TRMT11: variants seen among roughly 807,000 people sequenced by gnomAD.
The protein encoded by TRMT11 is tRNA (guanine(10)-N(2))-methyltransferase TRMT11.
Under a neutral mutation model 62.8 loss-of-function variants are expected in TRMT11, and 53 were observed. The ratio of observed to expected loss-of-function variants is 0.84; its 90% CI spans 0.68 to 1.06. TRMT11 has a LOEUF of 1.06. Among genes scored for constraint, TRMT11 ranks in the 50% least tolerant of loss-of-function variants. The probability of loss-of-function intolerance (pLI) is 0.00; values close to 1 mark genes in which losing one functional copy is unlikely to be tolerated. For missense variants in TRMT11, 556 were observed against 553.4 expected (o/e 1.00, Z -0.05); for synonymous variants, 188 against 190.3 (o/e 0.99, Z 0.10).
At position 125,995,923 on chromosome 6, in the gene TRMT11, A is replaced by G. The variant is rs760831865; in HGVS notation, c.139-44A>G. 3.3e-6 allele frequency: 4 copies of G among 1,208,092 alleles called. No individual in the cohort carries two copies. The Admixed American group carries it at 6.8e-5, about 20-fold the overall frequency. 74.8% of individuals were successfully genotyped at this position (1,208,092 alleles called of 1,614,324 possible). ...TTCTTGAATAAAAGCATATGAGGCC[A>G]TGTAGCCACTTAGAATTAAGTTGCA... On this transcript the variant is annotated intron_variant, in intron 2 of 12. Coordinates refer to ENST00000334379, the MANE Select transcript of TRMT11 (RefSeq NM_001031712.3).
intron 3 of TRMT11, among the ~76,000 whole-genome samples, chr6:126,201,368 T>C (rs1314130050): frequency 1.3e-5 from 2 of 152,236 alleles, no homozygotes; most frequent in African/African-American, 2.4e-5. Flanking sequence ...AACAAAGGTG[T>C]GAAAGTTGGC....
chr6:126,016,005 C>G (rs1794933029), intron 11 of TRMT11, among the ~76,000 whole-genome samples: 1 of 152,158 alleles, frequency 6.6e-6, no homozygotes, highest in South Asian at 2.1e-4. Context: ...TCGGGCTCTT[C>G]TCTGTCAGAT....
chr6:126,014,273 C>A (rs1041882408), intron 11 of TRMT11, among the ~76,000 whole-genome samples: 1 of 151,198 alleles, frequency 6.6e-6, no homozygotes, highest in Non-Finnish European at 1.5e-5. Flanking sequence ...TTTTTTGAGA[C>A]AGGGTTTCAC....
chr6:126,096,277 A>G (rs1053347972), intron 17 of TRMT11, among the ~76,000 whole-genome samples: 3 of 152,196 alleles, frequency 2.0e-5, no homozygotes, highest in Non-Finnish European at 4.4e-5. Context: ...TTTATCATTC[A>G]TTCTGTTGTA....
At chr6:126,126,311 A>G (rs1211734657) in intron 21 of TRMT11, among the ~76,000 whole-genome samples, 2 of 152,160 alleles carry the variant, frequency 1.3e-5, no homozygotes, top group African/African-American at 4.8e-5. Context: ...ACATTTAGTC[A>G]TAGATTTTAA....
At chr6:126,255,471 A>G in the TRMT11 span, among the ~76,000 whole-genome samples, 1 of 152,206 alleles carries the variant, frequency 6.6e-6, no homozygotes, top group African/African-American at 2.4e-5. Flanking sequence ...GGTATTTGAT[A>G]AGTAAATTCC....
chr6:126,191,547 A>G (rs1372405394), intron 1 of TRMT11, among the ~76,000 whole-genome samples: 1 of 141,592 alleles, frequency 7.1e-6, no homozygotes, highest in African/African-American at 2.6e-5. Context: ...GCATTTCCCC[A>G]ATGTTTTCTT....
chr6:126,258,348 G>T, the TRMT11 span: 12 of 377,386 alleles, frequency 3.2e-5, no homozygotes, highest in East Asian at 7.4e-4. Context: ...CATGGCGGCT[G>T]CCAGGGCCAT....
At chr6:126,256,196 G>A in the TRMT11 span, among the ~76,000 whole-genome samples, 5 of 152,186 alleles carry the variant, frequency 3.3e-5, no homozygotes, top group South Asian at 2.1e-4. Flanking sequence ...TATGATGACT[G>A]TGTTTTCTTG....
the TRMT11 span, among the ~76,000 whole-genome samples, chr6:126,271,363 C>CAAAAAAA: frequency 4.0e-3 from 143 of 36,170 alleles, 3 homozygotes; most frequent in African/African-American, 5.5e-3. Flanking sequence ...GACTCCATCT[C>CAAAAAAA]AAAAAAAAAA....
chr6:126,263,688 C>T, the TRMT11 span, among the ~76,000 whole-genome samples: 1 of 152,172 alleles, frequency 6.6e-6, no homozygotes, highest in South Asian at 2.1e-4. Context: ...GTCTTGAAAA[C>T]TGGGCTGGAC....
intron 7 of TRMT11, among the ~76,000 whole-genome samples, chr6:126,004,682 A>T (rs530940680): frequency 8.6e-4 from 130 of 151,920 alleles, no homozygotes; most frequent in African/African-American, 1.8e-3. Flanking sequence ...ATAGTTTTTT[A>T]AAAAAAATTC....
At chr6:125,987,841 A>T (rs1789918684) in intron 1 of TRMT11, among the ~76,000 whole-genome samples, 1 of 152,224 alleles carries the variant, frequency 6.6e-6, no homozygotes, top group Non-Finnish European at 1.5e-5. Context: ...ACTGAATTTG[A>T]TGTGGTTGTG....
chr6:126,165,474 G>A (rs1042486837), intron 21 of TRMT11, among the ~76,000 whole-genome samples: 1 of 152,048 alleles, frequency 6.6e-6, no homozygotes, highest in South Asian at 2.1e-4. Context: ...AAGGCAGGCC[G>A]GCTTGTGACA....
intron 1 of TRMT11, among the ~76,000 whole-genome samples, chr6:126,178,807 A>G (rs1221715920): frequency 6.6e-6 from 1 of 152,082 alleles, no homozygotes; most frequent in Non-Finnish European, 1.5e-5. Context: ...TAGTCAGGGA[A>G]GCGGTTGGGA....
At chr6:126,160,987 G>A (rs1047302121) in intron 21 of TRMT11, among the ~76,000 whole-genome samples, 3 of 152,110 alleles carry the variant, frequency 2.0e-5, no homozygotes, top group African/African-American at 7.2e-5. Context: ...AGTACAAATC[G>A]GGGTGAGTCA....
At chr6:125,993,917 A>G (rs974361039) in intron 2 of TRMT11, 95 bp downstream of exon 2, 2 of 702,686 alleles carry the variant, frequency 2.8e-6, no homozygotes, top group Non-Finnish European at 4.7e-6. Context: ...TTATATTTGT[A>G]TGGTTACTTG....
chr6:126,017,727 T>C (rs1795191646), intron 11 of TRMT11, among the ~76,000 whole-genome samples: 1 of 152,236 alleles, frequency 6.6e-6, no homozygotes, highest in Non-Finnish European at 1.5e-5. Flanking sequence ...GCTCTCATAA[T>C]AGCTTGTTTT....
chr6:126,159,699 C>T (rs887628346), intron 21 of TRMT11, among the ~76,000 whole-genome samples: 2 of 152,102 alleles, frequency 1.3e-5, no homozygotes, highest in African/African-American at 4.8e-5. Flanking sequence ...TTCTAGAGGC[C>T]AGAAATCCAA....
Sources: allele counts gnomAD v4.1 joint callset (sites outside exome capture counted in the v4.1 genomes callset), GRCh38; gene constraint gnomAD v4.1.1; transcripts MANE v1.5; gene names NCBI Gene and HGNC (gene_info 2026-07-23, HGNC 2026-07-21).